CNTN5: variants seen among roughly 807,000 people sequenced by gnomAD.
The protein encoded by CNTN5 is contactin 5, also known as contactin-5.
Under a neutral mutation model 129.1 loss-of-function variants are expected in CNTN5, and 77 were observed. The observed-to-expected ratio is 0.60, with a 90% CI of 0.50 to 0.72. The LOEUF (loss-of-function observed/expected upper bound fraction) is 0.72. CNTN5 is among the 30% of genes least tolerant of loss of function. The pLI is 0.00. For missense variants in CNTN5, 1,478 were observed against 1,328.8 expected, an observed-to-expected ratio of 1.11 and a Z score of -1.75; for synonymous variants, 509 against 465.6, an observed-to-expected ratio of 1.09 and a Z score of -1.20.
chr11:99,525,306 A>C (rs987724531), intron 2 of CNTN5, among the ~76,000 whole-genome samples: 1 of 152,188 alleles, frequency 6.6e-6, no homozygotes, highest in African/African-American at 2.4e-5. Flanking sequence ...TAAGGACAAA[A>C]ACAGCACACA....
intron 7 of CNTN5, among the ~76,000 whole-genome samples, chr11:99,929,832 C>G (rs1008232770): frequency 6.6e-6 from 1 of 152,126 alleles, no homozygotes; most frequent in Non-Finnish European, 1.5e-5. Flanking sequence ...CAAGTCTGAA[C>G]AGGGTCCTTG....
At chr11:99,567,236 A>G (rs183672005) in intron 3 of CNTN5, among the ~76,000 whole-genome samples, 1 of 152,306 alleles carries the variant, frequency 6.6e-6, no homozygotes, top group African/African-American at 2.4e-5. Flanking sequence ...ACAAGAGAGG[A>G]AATCTAATTC....
chr11:99,961,810 G>C (rs1236288379), intron 8 of CNTN5, among the ~76,000 whole-genome samples: 1 of 152,076 alleles, frequency 6.6e-6, no homozygotes, highest in African/African-American at 2.4e-5. Flanking sequence ...AGCAGCCTGA[G>C]AGCCAGCTCC....
chr11:99,685,933 A>T (rs551489658), intron 3 of CNTN5, among the ~76,000 whole-genome samples: 1 of 152,032 alleles, frequency 6.6e-6, no homozygotes, highest in South Asian at 2.1e-4. Context: ...CTCTATTCCC[A>T]CTTCATAGTT....
chr11:99,995,606 C>T (rs1426090687), intron 8 of CNTN5, among the ~76,000 whole-genome samples: 2 of 152,078 alleles, frequency 1.3e-5, no homozygotes, highest in Non-Finnish European at 2.9e-5. Flanking sequence ...ATTCCACATA[C>T]ATATGCAAAA....
At chr11:100,119,714 G>A (rs1945952346) in intron 13 of CNTN5, among the ~76,000 whole-genome samples, 1 of 151,806 alleles carries the variant, frequency 6.6e-6, no homozygotes, top group African/African-American at 2.4e-5. Context: ...GAAAGCTAGA[G>A]TAGATGCTTA....
intron 3 of CNTN5, among the ~76,000 whole-genome samples, chr11:99,580,289 C>T (rs1037015672): frequency 2.6e-5 from 4 of 152,064 alleles, no homozygotes; most frequent in Non-Finnish European, 5.9e-5. Context: ...GTCTAAAATT[C>T]TCTTTTTTTG....
intron 1 of CNTN5, among the ~76,000 whole-genome samples, chr11:99,115,740 A>T (rs1858015829): frequency 6.6e-6 from 1 of 152,178 alleles, no homozygotes; most frequent in Non-Finnish European, 1.5e-5. Context: ...AGCCTGGGCA[A>T]CAAGAGCGAA....
chr11:100,071,950 A>C, intron 12 of CNTN5, 116 bp downstream of exon 12: 1 of 951,806 alleles, frequency 1.1e-6, no homozygotes, highest in Non-Finnish European at 1.5e-6. Flanking sequence ...TTATGGCTTG[A>C]AAAGAAATAC....
At chr11:99,763,790 T>C (rs891326015) in intron 3 of CNTN5, among the ~76,000 whole-genome samples, 4 of 152,074 alleles carry the variant, frequency 2.6e-5, no homozygotes, top group Non-Finnish European at 5.9e-5. Flanking sequence ...AATTGGTTTA[T>C]ATGAATTGTG....
At chr11:100,043,455 A>G (rs1452169090) in intron 9 of CNTN5, among the ~76,000 whole-genome samples, 2 of 152,208 alleles carry the variant, frequency 1.3e-5, no homozygotes, top group Non-Finnish European at 2.9e-5. Flanking sequence ...ACTTAAGGAC[A>G]TAGGAAAGGA....
intron 2 of CNTN5, among the ~76,000 whole-genome samples, chr11:99,345,082 T>G (rs1378545756): frequency 6.6e-6 from 1 of 152,146 alleles, no homozygotes; most frequent in African/African-American, 2.4e-5. Flanking sequence ...TACTCCCACT[T>G]GTACTGATTC....
At chr11:99,034,369 G>A (rs898914843) in intron 1 of CNTN5, among the ~76,000 whole-genome samples, 2 of 151,684 alleles carry the variant, frequency 1.3e-5, no homozygotes, top group African/African-American at 4.9e-5. Context: ...TGTACCTCTG[G>A]TAGAATTCGG....
At chr11:99,859,396 C>A (rs1948138903) in intron 6 of CNTN5, among the ~76,000 whole-genome samples, 2 of 152,156 alleles carry the variant, frequency 1.3e-5, no homozygotes, top group South Asian at 2.1e-4. Context: ...GGTTTATGTG[C>A]AGGTTTGTTA....
intron 2 of CNTN5, among the ~76,000 whole-genome samples, chr11:99,481,662 T>C (rs1945605891): frequency 6.6e-6 from 1 of 152,190 alleles, no homozygotes; most frequent in South Asian, 2.1e-4. Context: ...TGCTTATTGC[T>C]TCAAGCTCCC....
rs1464930519 is a variant in CNTN5 at position 99,702,947 on chromosome 11, A to C, written c.56-116597A>C. ...AGTATATAAGGATGAAGTGTGTTGA[A>C]ACTTTCTTTCCCTTTTAAAATAAAG... On this transcript the variant is annotated intron_variant, in intron 3 of 24. Coordinates refer to ENST00000524871, the MANE Select transcript of CNTN5 (RefSeq NM_014361.4). 3.3e-5 allele frequency among the ~76,000 whole-genome samples: 5 copies of C among 150,926 alleles called. No individual in the cohort carries two copies. The East Asian group carries it at 9.7e-4, about 29-fold the overall frequency.
intron 9 of CNTN5, among the ~76,000 whole-genome samples, chr11:100,009,421 A>G (rs1236112585): frequency 6.6e-6 from 1 of 151,506 alleles, no homozygotes; most frequent in African/African-American, 2.4e-5. Flanking sequence ...AAACAAAGGT[A>G]TGTAAAGGCT....
At chr11:99,250,386 A>G (rs548872352) in intron 1 of CNTN5, among the ~76,000 whole-genome samples, 1 of 152,092 alleles carries the variant, frequency 6.6e-6, no homozygotes, top group African/African-American at 2.4e-5. Flanking sequence ...ACCAGGAAAT[A>G]CATGAAGGAT....
At chr11:99,648,347 C>G (rs1952040645) in intron 3 of CNTN5, among the ~76,000 whole-genome samples, 1 of 151,426 alleles carries the variant, frequency 6.6e-6, no homozygotes, top group African/African-American at 2.4e-5. Flanking sequence ...CAGGTAAATG[C>G]AAATGAAAAC....
Sources: allele counts gnomAD v4.1 joint callset (sites outside exome capture counted in the v4.1 genomes callset), GRCh38; gene constraint gnomAD v4.1.1; transcripts MANE v1.5; gene names NCBI Gene and HGNC (gene_info 2026-07-23, HGNC 2026-07-21).